ANTXR1: variants seen among roughly 807,000 people sequenced by gnomAD.
The protein encoded by ANTXR1 is ANTXR cell adhesion molecule 1.
A neutral mutation model predicts 78.1 loss-of-function variants in ANTXR1; 19 were observed. The observed-to-expected ratio is 0.24, with a 90% CI of 0.17 to 0.36. ANTXR1 has a LOEUF of 0.36. Ranked by LOEUF, ANTXR1 falls within the 10% of genes least tolerant of loss-of-function variation. ANTXR1 has a pLI of 1.00. For missense variants in ANTXR1, 518 were observed against 718.6 expected (o/e 0.72, Z 3.19); for synonymous variants, 273 against 260.5 (o/e 1.05, Z -0.46).
At chr2:69,109,862 G>C (rs948590726) in intron 10 of ANTXR1, among the ~76,000 whole-genome samples, 1 of 152,018 alleles carries the variant, frequency 6.6e-6, no homozygotes, top group Admixed American at 6.6e-5. Context: ...AAATTCTCTT[G>C]TTAAACCCTA....
intron 3 of ANTXR1, among the ~76,000 whole-genome samples, chr2:69,060,210 C>T (rs994077892): frequency 1.3e-5 from 2 of 152,122 alleles, no homozygotes; most frequent in Non-Finnish European, 2.9e-5. Flanking sequence ...TCTTTTGTTC[C>T]CAGTTCAAAT....
intron 12 of ANTXR1, among the ~76,000 whole-genome samples, chr2:69,134,416 G>A (rs552979922): frequency 1.3e-5 from 2 of 152,208 alleles, no homozygotes; most frequent in African/African-American, 4.8e-5. Flanking sequence ...TTCTGGCTTC[G>A]TTTTTAAAAA....
chr2:69,122,416 G>A (rs1176549323), intron 10 of ANTXR1, among the ~76,000 whole-genome samples: 1 of 151,972 alleles, frequency 6.6e-6, no homozygotes, highest in Admixed American at 6.6e-5. Flanking sequence ...AACTCCTTAG[G>A]ACCAGTCTAA....
At chr2:69,125,228 G>A (rs1558575491) in intron 12 of ANTXR1, among the ~76,000 whole-genome samples, 1 of 152,178 alleles carries the variant, frequency 6.6e-6, no homozygotes, top group Non-Finnish European at 1.5e-5. Context: ...GGCAAGAGCG[G>A]GGACTGCATT....
chr2:69,064,640 A>C (rs1022397158), intron 3 of ANTXR1, among the ~76,000 whole-genome samples: 1 of 152,348 alleles, frequency 6.6e-6, no homozygotes, highest in Non-Finnish European at 1.5e-5. Flanking sequence ...GTGATAGATT[A>C]AAAGTGAAAG....
intron 12 of ANTXR1, among the ~76,000 whole-genome samples, chr2:69,142,588 T>C (rs1458306310): frequency 6.6e-6 from 1 of 152,234 alleles, no homozygotes; most frequent in East Asian, 1.9e-4. Flanking sequence ...ACCGTGTCCA[T>C]TTTATGCTCT....
At chr2:69,105,000 C>A (rs1403364661) in intron 10 of ANTXR1, among the ~76,000 whole-genome samples, 1 of 152,176 alleles carries the variant, frequency 6.6e-6, no homozygotes, top group East Asian at 1.9e-4. Flanking sequence ...GCTGAAGGAT[C>A]ACTTGAGGCC....
At position 69,140,110 on chromosome 2, in the gene ANTXR1, G is replaced by A. The variant is rs116043009; in HGVS notation, c.952-12059G>A. ...ATTTACTTTAATCACCTTCACCATC[G>A]TAAGTAACATGAAATGTCATGACTG... is the stretch of plus-strand genomic sequence containing the variant. On this transcript the variant is annotated intron_variant, in intron 12 of 17. Transcript: ENST00000303714. Among the ~76,000 whole-genome samples, 695 of 152,300 alleles carry A rather than the reference G, an allele frequency of 4.6e-3. 3 individuals are homozygous for A. The highest frequency in any genetic ancestry group is 0.016 in the African/African-American group (657 of 41,574).
intron 13 of ANTXR1, among the ~76,000 whole-genome samples, chr2:69,157,912 C>T (rs1271744506): frequency 5.9e-5 from 9 of 152,200 alleles, no homozygotes; most frequent in Admixed American, 3.9e-4. Flanking sequence ...GAGTGTTCAG[C>T]GGCCGTAAAA....
intron 16 of ANTXR1, among the ~76,000 whole-genome samples, chr2:69,186,109 C>T (rs373322809): frequency 2.1e-4 from 32 of 152,194 alleles, no homozygotes; most frequent in Admixed American, 3.9e-4. Context: ...GAGGCATGAA[C>T]GGTAATTATG....
chr2:69,240,047 A>T (rs776163634), intron 17 of ANTXR1, among the ~76,000 whole-genome samples: 3 of 152,226 alleles, frequency 2.0e-5, no homozygotes, highest in Non-Finnish European at 4.4e-5. Flanking sequence ...TTCTCCAAGA[A>T]CCTAGGAGAT....
chr2:69,077,183 C>T (rs947187951), intron 7 of ANTXR1: 6 of 590,308 alleles, frequency 1.0e-5, no homozygotes, highest in African/African-American at 9.3e-5. Context: ...AGTATTGAAA[C>T]AAATGTAAAA....
intron 17 of ANTXR1, among the ~76,000 whole-genome samples, chr2:69,228,050 C>T (rs1405285635): frequency 6.6e-6 from 1 of 152,146 alleles, no homozygotes; most frequent in African/African-American, 2.4e-5. Context: ...ATCTCTGTCA[C>T]AGTATATTTT....
At position 69,224,601 on chromosome 2, in the gene ANTXR1, C is replaced by T. The variant is rs188803493; in HGVS notation, c.1435-20624C>T. 4.9e-4 allele frequency among the ~76,000 whole-genome samples: 75 copies of T among 152,226 alleles called. No homozygotes were observed. In the East Asian group the frequency reaches 0.011, roughly 22 times the overall value. On this transcript the variant is annotated intron_variant, in intron 17 of 17. Transcript: ENST00000303714. ...AGGGAGAGAGCCTGCAGGGCCCCAC[C>T]GTTGCTCAGGCCCTCTCTTGACCAG...
At chr2:69,150,450 A>G (rs1673361332) in intron 12 of ANTXR1, among the ~76,000 whole-genome samples, 1 of 152,194 alleles carries the variant, frequency 6.6e-6, no homozygotes, top group African/African-American at 2.4e-5. Context: ...AGTGAGCTCT[A>G]ACACCAAAGT....
At chr2:69,038,615 A>T (rs1377169623) in intron 1 of ANTXR1, among the ~76,000 whole-genome samples, 2 of 152,238 alleles carry the variant, frequency 1.3e-5, no homozygotes, top group Non-Finnish European at 1.5e-5. Context: ...AAGAATGTGT[A>T]TGTGAATATA....
In ANTXR1 at chr2:69,193,358, C is replaced by A. The variant is rs1392212007; in HGVS notation, c.1377C>A (p.Val459=). The part of the protein sequence containing the change: ...PIKGKLDALW[V]LLRKGYDRVS... ...AGGGAAAACTCGATGCCTTGTGGGTCCTACTGAGGAAAGGATATGATCGTG... is the reference window on the plus strand; with the variant it reads ...AGGGAAAACTCGATGCCTTGTGGGTACTACTGAGGAAAGGATATGATCGTG... The change falls in exon 17 of 18, where the codon GTC becomes GTA. Residue 459 remains valine (V), a synonymous_variant. Transcript: ENST00000303714. The A allele has an allele frequency of 6.2e-7, 1 of 1,613,748 alleles. No individual in the cohort carries two copies. Among genetic ancestry groups the A allele is most frequent in the East Asian group, 2.2e-5 (1 of 44,854 alleles).
chr2:69,143,123 G>A (rs1203411961), intron 12 of ANTXR1, among the ~76,000 whole-genome samples: 2 of 152,170 alleles, frequency 1.3e-5, no homozygotes, highest in Non-Finnish European at 2.9e-5. Flanking sequence ...GCCATAAGTG[G>A]CTCCAACTGC....
intron 17 of ANTXR1, among the ~76,000 whole-genome samples, chr2:69,216,495 A>G (rs189146594): frequency 6.0e-4 from 91 of 152,294 alleles, no homozygotes; most frequent in Admixed American, 5.8e-3. Flanking sequence ...ACACATGTAC[A>G]CGCACACACA....
Sources: gnomAD v4.1 joint callset for allele counts (sites outside exome capture counted in the v4.1 genomes callset) on GRCh38, gnomAD v4.1.1 for gene constraint, MANE v1.5 for transcripts, NCBI Gene and HGNC (gene_info 2026-07-23, HGNC 2026-07-21) for gene names.